PDE1A: variants seen among roughly 807,000 people sequenced by gnomAD.
The protein encoded by PDE1A is dual specificity calcium/calmodulin-dependent 3',5'-cyclic nucleotide phosphodiesterase 1A.
PDE1A carries 35 observed loss-of-function variants against 61.7 expected under a neutral mutation model. The observed-to-expected ratio is 0.57, with a 90% CI of 0.43 to 0.75. The LOEUF (loss-of-function observed/expected upper bound fraction) is 0.75. Ranked by LOEUF, PDE1A falls within the 30% of genes least tolerant of loss-of-function variation. The pLI, the probability that PDE1A is intolerant of heterozygous loss-of-function variation, is 0.00. For synonymous variants in PDE1A, 232 were observed against 213.2 expected (o/e 1.09, Z -0.77); for missense variants, 597 against 630.6 (o/e 0.95, Z 0.57).
At chr2:182,269,914 C>T (rs1238579961) in intron 1 of PDE1A, among the ~76,000 whole-genome samples, 3 of 151,970 alleles carry the variant, frequency 2.0e-5, no homozygotes, top group African/African-American at 7.3e-5. Flanking sequence ...AGGCTATGGG[C>T]TAAATAGAGG....
chr2:182,226,481 A>T (rs1689153014), intron 6 of PDE1A, among the ~76,000 whole-genome samples: 1 of 149,972 alleles, frequency 6.7e-6, no homozygotes, highest in South Asian at 2.1e-4. Flanking sequence ...CACTTAATTT[A>T]AAAACACATC....
the PDE1A span, among the ~76,000 whole-genome samples, chr2:182,609,064 A>C: frequency 6.6e-6 from 1 of 152,102 alleles, no homozygotes; most frequent in Non-Finnish European, 1.5e-5. Flanking sequence ...TAGCTAAGGG[A>C]TTGTAAATAC....
At chr2:182,626,705 GAAC>G in the PDE1A span, among the ~76,000 whole-genome samples, 12 of 96,016 alleles carry the variant, frequency 1.2e-4, no homozygotes, top group Non-Finnish European at 2.2e-4. Flanking sequence ...AAAGATCAAA[GAAC>G]AAATGGCTTT....
intron 2 of PDE1A, among the ~76,000 whole-genome samples, chr2:182,436,058 T>C (rs962017987): frequency 6.6e-6 from 1 of 152,056 alleles, no homozygotes; most frequent in Non-Finnish European, 1.5e-5. Context: ...GTGTGTTTGG[T>C]AAGGTTCTGT....
At chr2:182,203,172 T>C (rs62190461) in intron 8 of PDE1A, among the ~76,000 whole-genome samples, 1 of 151,758 alleles carries the variant, frequency 6.6e-6, no homozygotes, top group Non-Finnish European at 1.5e-5. Flanking sequence ...AAAAAAAAAT[T>C]AGCCAGCCCT....
the PDE1A span, among the ~76,000 whole-genome samples, chr2:182,594,434 A>G: frequency 2.6e-5 from 4 of 152,330 alleles, no homozygotes; most frequent in South Asian, 4.1e-4. Context: ...GTGACTACTG[A>G]GTAGTACTCC....
intron 1 of PDE1A, among the ~76,000 whole-genome samples, chr2:182,394,778 C>T (rs1701610874): frequency 6.6e-6 from 1 of 152,296 alleles, no homozygotes; most frequent in Middle Eastern, 3.4e-3. Context: ...GCTAAATCCC[C>T]ACATTGGCTC....
the PDE1A span, among the ~76,000 whole-genome samples, chr2:182,708,950 G>A: frequency 6.6e-6 from 1 of 151,916 alleles, no homozygotes; most frequent in Non-Finnish European, 1.5e-5. Flanking sequence ...TGTAAGTTTT[G>A]GTTATTTTGA....
the PDE1A span, among the ~76,000 whole-genome samples, chr2:182,645,338 G>A: frequency 7.7e-4 from 117 of 152,198 alleles, 1 homozygote; most frequent in South Asian, 0.011. Context: ...TAAATATTCC[G>A]TTTTACCTGA....
intron 2 of PDE1A, among the ~76,000 whole-genome samples, chr2:182,245,331 C>A (rs1690866091): frequency 6.6e-6 from 1 of 152,126 alleles, no homozygotes; most frequent in Non-Finnish European, 1.5e-5. Flanking sequence ...AGTTGATGAG[C>A]CAATGTTAAT....
At chr2:182,208,396 A>T (rs76371587) in intron 7 of PDE1A, among the ~76,000 whole-genome samples, 27,347 of 152,026 alleles carry the variant, frequency 0.18, 2,632 homozygotes, top group East Asian at 0.31. Context: ...AAACCATCAG[A>T]TCTCATGAGA....
chr2:182,671,338 ATTT>A, the PDE1A span, among the ~76,000 whole-genome samples: 1 of 75,210 alleles, frequency 1.3e-5, no homozygotes, highest in Non-Finnish European at 2.7e-5. Flanking sequence ...CGACTGGCTA[ATTT>A]TTTTTTTTTT....
the PDE1A span, among the ~76,000 whole-genome samples, chr2:182,552,308 A>G: frequency 6.6e-6 from 1 of 152,078 alleles, no homozygotes; most frequent in African/African-American, 2.4e-5. Context: ...CAACTCCCCA[A>G]ATTTTCAGCT....
At chr2:182,572,167 G>T in the PDE1A span, among the ~76,000 whole-genome samples, 1 of 152,162 alleles carries the variant, frequency 6.6e-6, no homozygotes, top group African/African-American at 2.4e-5. Context: ...AATGGAAGTC[G>T]GGAGAATGTC....
chr2:182,170,889 C>T (rs1038024660), intron 13 of PDE1A, among the ~76,000 whole-genome samples: 6 of 151,766 alleles, frequency 4.0e-5, no homozygotes, highest in African/African-American at 1.5e-4. Flanking sequence ...CAAATATAAA[C>T]AATATATAAA....
intron 13 of PDE1A, among the ~76,000 whole-genome samples, chr2:182,153,235 T>C (rs1690887441): frequency 6.6e-6 from 1 of 152,188 alleles, no homozygotes; most frequent in African/African-American, 2.4e-5. Flanking sequence ...TTTAACAATG[T>C]GGGAGGTAGT....
chr2:182,383,980 G>C (rs1326062284), intron 1 of PDE1A, among the ~76,000 whole-genome samples: 2 of 152,170 alleles, frequency 1.3e-5, no homozygotes, highest in Admixed American at 6.5e-5. Flanking sequence ...TGAGCCTGTA[G>C]AAATGCCTTG....
chr2:182,460,595 C>T (rs1276252752), intron 2 of PDE1A, among the ~76,000 whole-genome samples: 1 of 152,058 alleles, frequency 6.6e-6, no homozygotes, highest in Admixed American at 6.6e-5. Context: ...CTTTGCTCGA[C>T]TAAAGATGAC....
intron 1 of PDE1A, among the ~76,000 whole-genome samples, chr2:182,319,359 A>T (rs1018075597): frequency 3.9e-5 from 6 of 152,174 alleles, no homozygotes; most frequent in Non-Finnish European, 5.9e-5. Context: ...AATTTTTTTT[A>T]AAATCTAAAT....
Sources: allele counts gnomAD v4.1 joint callset (sites outside exome capture counted in the v4.1 genomes callset), GRCh38; gene constraint gnomAD v4.1.1; transcripts MANE v1.5; gene names NCBI Gene and HGNC (gene_info 2026-07-23, HGNC 2026-07-21).